Variants in PNPLA1 observed in about 807,000 individuals in gnomAD.
PNPLA1 encodes patatin like domain 1, omega-hydroxyceramide transacylase.
Under a neutral mutation model 51.7 loss-of-function variants are expected in PNPLA1, and 36 were observed. That is an observed-to-expected ratio of 0.70 (90% CI 0.53 to 0.92). PNPLA1 has a LOEUF of 0.92. Ranked by LOEUF, PNPLA1 falls within the 40% of genes least tolerant of loss-of-function variation. The probability of loss-of-function intolerance (pLI) is 0.00; values close to 1 mark genes in which losing one functional copy is unlikely to be tolerated. For synonymous variants in PNPLA1, 293 were observed against 280.1 expected, an observed-to-expected ratio of 1.05 and a Z score of -0.46; for missense variants, 658 against 682.5, an observed-to-expected ratio of 0.96 and a Z score of 0.40.
chr6:36,264,986 A>G (rs967615273), intron 1 of PNPLA1, among the ~76,000 whole-genome samples: 9 of 152,296 alleles, frequency 5.9e-5, no homozygotes, highest in African/African-American at 2.2e-4. Flanking sequence ...ATGTTTGGTC[A>G]AGTATTCAAA....
chr6:36,302,423 C>T lies in PNPLA1; in HGVS notation c.1338C>T (p.Phe446=), dbSNP rs371065710. 3.1e-5 allele frequency: 49 copies of T among 1,566,938 alleles called. No individual in the cohort carries two copies. Among genetic ancestry groups the T allele is most frequent in the Non-Finnish European group, 3.6e-5 (42 of 1,155,134 alleles). ...TGCCCCGAAGTTCTCTTTCAGCCTT[C>T]CCTGCTCAGCCACCTGTGGAGGAAC... The part of the protein sequence containing the change: ...QTLPRSSLSA[F]PAQPPVEELG... Residue 446 remains phenylalanine, a synonymous_variant, in exon 6 of 9, where the codon TTC becomes TTT. Transcript: ENST00000636260.
chr6:36,292,805 C>A (rs1011000607), intron 2 of PNPLA1, among the ~76,000 whole-genome samples: 1 of 152,202 alleles, frequency 6.6e-6, no homozygotes, highest in Non-Finnish European at 1.5e-5. Context: ...TCAGAAGGAA[C>A]CCCGAAGCTA....
intron 1 of PNPLA1, among the ~76,000 whole-genome samples, chr6:36,289,963 C>T (rs1193713067): frequency 1.3e-5 from 2 of 152,078 alleles, no homozygotes; most frequent in East Asian, 1.9e-4. Context: ...TATAAATAGG[C>T]GAGTAAGGCA....
At chr6:36,282,976 C>G (rs1322877396) in intron 1 of PNPLA1, among the ~76,000 whole-genome samples, 1 of 152,162 alleles carries the variant, frequency 6.6e-6, no homozygotes, top group Non-Finnish European at 1.5e-5. Flanking sequence ...AGCCACCGCA[C>G]CTGACCTGAT....
chr6:36,250,741 G>T (rs1033168337), intron 1 of PNPLA1, among the ~76,000 whole-genome samples: 1 of 152,140 alleles, frequency 6.6e-6, no homozygotes, highest in Non-Finnish European at 1.5e-5. Context: ...CTCACACTCT[G>T]TTGCCAGGCT....
intron 6 of PNPLA1, 103 bp downstream of exon 6, chr6:36,302,572 C>T (rs1242813434): frequency 1.4e-6 from 2 of 1,432,750 alleles, no homozygotes; most frequent in Admixed American, 4.6e-5. Context: ...GGGTGCGTGG[C>T]TGAAGTTAGC....
intron 1 of PNPLA1, among the ~76,000 whole-genome samples, chr6:36,249,936 T>C (rs1769385109): frequency 6.6e-6 from 1 of 152,170 alleles, no homozygotes; most frequent in Admixed American, 6.5e-5. Flanking sequence ...TCAATAGTGG[T>C]TAGTTATTGC....
At chr6:36,291,631 C>G in intron 2 of PNPLA1, 79 bp downstream of exon 2, 6 of 1,226,384 alleles carry the variant, frequency 4.9e-6, no homozygotes, top group Non-Finnish European at 6.9e-6. Flanking sequence ...ACAGCTCAAC[C>G]CGATGCCTTA....
intron 1 of PNPLA1, among the ~76,000 whole-genome samples, chr6:36,284,219 C>A (rs1275756743): frequency 6.6e-6 from 1 of 152,200 alleles, no homozygotes; most frequent in African/African-American, 2.4e-5. Flanking sequence ...GCAGAAGACA[C>A]TTCTGTTTCC....
intron 5 of PNPLA1, among the ~76,000 whole-genome samples, chr6:36,301,621 C>T (rs1771050015): frequency 6.6e-6 from 1 of 152,334 alleles, no homozygotes; most frequent in Non-Finnish European, 1.5e-5. Context: ...TTCCTCTCTT[C>T]CTGCACTTGC....
chr6:36,299,484 G>A (rs575810566), intron 5 of PNPLA1, among the ~76,000 whole-genome samples: 8 of 151,942 alleles, frequency 5.3e-5, no homozygotes, highest in East Asian at 1.9e-4. Context: ...ACAGGCGCCC[G>A]CTACCACGCC....
chr6:36,285,106 G>T (rs1409838263), intron 1 of PNPLA1, among the ~76,000 whole-genome samples: 1 of 152,182 alleles, frequency 6.6e-6, no homozygotes, highest in Admixed American at 6.5e-5. Context: ...TTATTATTAC[G>T]TTGGGGTAGG....
upstream of PNPLA1, among the ~76,000 whole-genome samples, chr6:36,268,345 A>T (rs966429427): frequency 1.3e-5 from 2 of 152,146 alleles, no homozygotes; most frequent in Non-Finnish European, 2.9e-5. Flanking sequence ...GAATGACAGT[A>T]TTGTCCCTTT....
chr6:36,295,270 C>A, intron 4 of PNPLA1, 94 bp from the exon 5 acceptor site: 1 of 1,284,900 alleles, frequency 7.8e-7, no homozygotes, highest in Non-Finnish European at 1.1e-6. Flanking sequence ...AAATAAAATT[C>A]AAGAGCAATG....
rs187453727 is a variant in PNPLA1, at chr6:36,294,312, C to T, written c.627C>T (p.His209=). 603 of 1,614,224 alleles carry T rather than the reference C, an allele frequency of 3.7e-4. 2 individuals are homozygous for T. The East Asian group carries it at 0.013, about 34-fold the overall frequency. ...CCCGGGACTGCCCGGCCATCTTCCACGACTTCCGCATGTTCAACTGCTCCT... is the reference window on the plus strand; with the variant it reads ...CCCGGGACTGCCCGGCCATCTTCCATGACTTCCGCATGTTCAACTGCTCCT... ...ICPRDCPAIF[H]DFRMFNCSFQ... Residue 209 remains histidine, a synonymous_variant, in exon 4 of 9, where the codon CAC becomes CAT. Transcript: ENST00000636260. The surrounding 1 kb of genome is among the most constrained non-coding windows in gnomAD (Gnocchi z 4.2).
At chr6:36,306,407 T>C in intron 7 of PNPLA1, 31 bp downstream of exon 7, 2 of 1,574,812 alleles carry the variant, frequency 1.3e-6, no homozygotes, top group Non-Finnish European at 1.7e-6. Context: ...GCACGCTCTT[T>C]CCTTTGGACG....
At chr6:36,307,265 A>C (rs187826202) in intron 7 of PNPLA1, among the ~76,000 whole-genome samples, 1 of 152,310 alleles carries the variant, frequency 6.6e-6, no homozygotes, top group East Asian at 1.9e-4. Flanking sequence ...TTTTAACCAT[A>C]AAACTTTTTG....
intron 1 of PNPLA1, among the ~76,000 whole-genome samples, chr6:36,272,242 A>G (rs1769938321): frequency 6.6e-6 from 1 of 152,224 alleles, no homozygotes; most frequent in Admixed American, 6.5e-5. Flanking sequence ...ACAGTGACAG[A>G]TCATTAGGCA....
chr6:36,267,480 G>A (rs185368337), upstream of PNPLA1, among the ~76,000 whole-genome samples: 70 of 152,234 alleles, frequency 4.6e-4, 1 homozygote, highest in East Asian at 5.4e-3. Context: ...CTGTCTCCAC[G>A]TCCACAGGGA....
Sources: gnomAD v4.1 joint callset for allele counts (sites outside exome capture counted in the v4.1 genomes callset) on GRCh38, gnomAD v4.1.1 for gene constraint, Gnocchi (gnomAD v3.1) non-coding constraint, MANE v1.5 for transcripts, NCBI Gene and HGNC (gene_info 2026-07-23, HGNC 2026-07-21) for gene names.